The following BORCS5 variants were observed in gnomAD, a reference collection of about 807,000 sequenced individuals.
BORCS5 encodes BLOC-1-related complex subunit 5.
A neutral mutation model predicts 22.1 loss-of-function variants in BORCS5; 17 were observed. The observed-to-expected ratio is 0.77, with a 90% confidence interval of 0.53 to 1.15. BORCS5 has a LOEUF of 1.15. Ranked by LOEUF, BORCS5 falls within the 50% of genes most tolerant of loss-of-function variation. The pLI, the probability that BORCS5 is intolerant of heterozygous loss-of-function variation, is 0.00. For missense variants in BORCS5, 247 were observed against 253.2 expected (o/e 0.98, Z 0.17); for synonymous variants, 117 against 99.8 (o/e 1.17, Z -1.03).
intron 2 of BORCS5, among the ~76,000 whole-genome samples, chr12:12,416,427 T>G (rs1941956798): frequency 6.6e-6 from 1 of 151,872 alleles, no homozygotes; most frequent in Admixed American, 6.6e-5. Context: ...TGGTGTGAGA[T>G]CTTTCTTTTT....
rs926893487 is a variant in BORCS5 at position 12,373,981 on chromosome 12, CTTTTTTT to C, written c.202+12650_202+12656del. 4.7e-3 allele frequency among the ~76,000 whole-genome samples: 421 copies of C among 89,780 alleles called. 3 individuals are homozygous for C. Among genetic ancestry groups the C allele is most frequent in the Middle Eastern group, 0.02 (2 of 100 alleles). The allele number at this position is 89,780 out of a possible 152,430, so 58.9% of individuals were successfully genotyped here. ...AGAAGGCAGGGTTGCAGAGAGTATT[CTTTTTTT>C]TTTTTTTTTTTTTTTTTGAGACGGA... On this transcript the variant is annotated intron_variant, in intron 2 of 3. Coordinates refer to ENST00000314565, the MANE Select transcript of BORCS5 (RefSeq NM_058169.6).
intron 2 of BORCS5, among the ~76,000 whole-genome samples, chr12:12,406,688 C>T (rs1045482614): frequency 6.6e-6 from 1 of 151,832 alleles, no homozygotes; most frequent in African/African-American, 2.4e-5. Flanking sequence ...TGCTGTTAAC[C>T]ATATAAAAAT....
At chr12:12,432,395 T>C (rs1942452992) in intron 2 of BORCS5, among the ~76,000 whole-genome samples, 1 of 152,208 alleles carries the variant, frequency 6.6e-6, no homozygotes, top group South Asian at 2.1e-4. Flanking sequence ...CCCTTGATAG[T>C]TTTGTTAGGA....
rs937319511 is a variant in BORCS5, at chr12:12,467,653, T to A, written c.*1877T>A. On this transcript the variant is annotated 3_prime_UTR_variant, in exon 4 of 4. Transcript: ENST00000314565. ...CTCCCGGAAAGAATTCTAGTTAGTTTAATATTTTGATGGCATGTTGTGGTT... is the reference window on the plus strand; with the variant it reads ...CTCCCGGAAAGAATTCTAGTTAGTTAAATATTTTGATGGCATGTTGTGGTT... The A allele has an allele frequency of 6.6e-6, 1 of 152,260 alleles. No individual in the cohort carries two copies. The highest frequency in any genetic ancestry group is 2.4e-5 in the African/African-American group (1 of 41,460). The allele number at this position is 152,260 out of a possible 1,614,324, so 9.4% of individuals were successfully genotyped here.
At chr12:12,363,839 G>A (rs951948143) in intron 2 of BORCS5, among the ~76,000 whole-genome samples, 1 of 151,916 alleles carries the variant, frequency 6.6e-6, no homozygotes, top group Non-Finnish European at 1.5e-5. Context: ...GGAGGTTGCA[G>A]TGAGCTGAGA....
At chr12:12,459,054 G>C (rs1943054064) in intron 3 of BORCS5, among the ~76,000 whole-genome samples, 1 of 150,002 alleles carries the variant, frequency 6.7e-6, no homozygotes, top group African/African-American at 2.5e-5. Context: ...GTGCCACCAG[G>C]CCCGACTAAT....
chr12:12,392,852 AC>A (rs1407889132), intron 2 of BORCS5, among the ~76,000 whole-genome samples: 15 of 152,120 alleles, frequency 9.9e-5, no homozygotes, highest in Admixed American at 5.2e-4. Flanking sequence ...TCTATTTGGC[AC>A]CCATGTAATA....
intron 2 of BORCS5, among the ~76,000 whole-genome samples, chr12:12,380,173 C>T (rs764092750): frequency 6.6e-6 from 1 of 151,172 alleles, no homozygotes; most frequent in Non-Finnish European, 1.5e-5. Context: ...CATCAAAGAT[C>T]ACTGATCACA....
At chr12:12,409,284 A>G (rs1941662691) in intron 2 of BORCS5, among the ~76,000 whole-genome samples, 1 of 151,962 alleles carries the variant, frequency 6.6e-6, no homozygotes, top group Admixed American at 6.6e-5. Flanking sequence ...GGTTTGTTAC[A>G]TATGTATACA....
intron 3 of BORCS5, among the ~76,000 whole-genome samples, chr12:12,442,052 G>C (rs1306888889): frequency 6.6e-6 from 1 of 152,208 alleles, no homozygotes; most frequent in East Asian, 1.9e-4. Context: ...TAACTGAAAA[G>C]CCAACCAGAA....
Position 12,427,227 on chromosome 12 carries a change from C to T in BORCS5, c.203-8401C>T, listed in dbSNP as rs186765988. On this transcript the variant is annotated intron_variant, in intron 2 of 3. Transcript: ENST00000314565. The stretch of plus-strand genomic sequence containing the variant: ...TGGGAGTCTCGCACTCTCGTCCAGG[C>T]TGGAGTTTGGTGGCACAATCTCGGC... Among the ~76,000 whole-genome samples the T allele has an allele frequency of 3.2e-3, 409 of 125,846 alleles. 5 individuals carry two copies. Among genetic ancestry groups the T allele is most frequent in the African/African-American group, 0.011 (339 of 32,032 alleles). The allele number at this position is 125,846 out of a possible 152,430, so 82.6% of individuals were successfully genotyped here. A position where few individuals can be genotyped will look rare whatever the true frequency, so the allele number is the denominator to read the frequency against.
chr12:12,438,858 A>G (rs1942621776), intron 3 of BORCS5, among the ~76,000 whole-genome samples: 4 of 152,230 alleles, frequency 2.6e-5, no homozygotes, highest in Admixed American at 2.6e-4. Context: ...TTAAAAAATA[A>G]CTTTTAAATT....
chr12:12,393,500 C>G (rs1296636245), intron 2 of BORCS5, among the ~76,000 whole-genome samples: 1 of 151,858 alleles, frequency 6.6e-6, no homozygotes, highest in Admixed American at 6.6e-5. Flanking sequence ...CAGGACTTTA[C>G]AGGTACTGCT....
chr12:12,421,919 G>T (rs1942133706), intron 2 of BORCS5, among the ~76,000 whole-genome samples: 1 of 152,120 alleles, frequency 6.6e-6, no homozygotes, highest in South Asian at 2.1e-4. Flanking sequence ...ATTTGTTATT[G>T]TGTCTATTTG....
In BORCS5 at chr12:12,431,402, TC is replaced by T. The variant is rs1402775773; in HGVS notation, c.203-4225del. Among the ~76,000 whole-genome samples the T allele has an allele frequency of 2.1e-4, 26 of 124,878 alleles. No individual in the cohort carries two copies. The South Asian group carries it at 5.3e-3, about 25-fold the overall frequency. The allele number at this position is 124,878 out of a possible 152,430, so 81.9% of individuals were successfully genotyped here. ...TTTTGTTCATCTTTCTTTTGCTAAT[TC>T]TTTTTTTTTTTTTTTTTTGAGACGG... On this transcript the variant is annotated intron_variant, in intron 2 of 3. Coordinates refer to ENST00000314565, the MANE Select transcript of BORCS5 (RefSeq NM_058169.6).
chr12:12,442,783 T>C (rs1389529022), intron 3 of BORCS5, among the ~76,000 whole-genome samples: 1 of 152,174 alleles, frequency 6.6e-6, no homozygotes, highest in Non-Finnish European at 1.5e-5. Context: ...TCATTTTTGG[T>C]TATTCCTTTT....
At chr12:12,414,085 CG>C (rs1328402714) in intron 2 of BORCS5, among the ~76,000 whole-genome samples, 3 of 83,522 alleles carry the variant, frequency 3.6e-5, no homozygotes, top group East Asian at 5.5e-4. Context: ...CCCTCCCGGA[CG>C]GGGCGGCTGG....
At position 12,385,900 on chromosome 12, in the gene BORCS5, G is replaced by A. The variant is rs887775503; in HGVS notation, c.202+24551G>A. Among the ~76,000 whole-genome samples, 14 of 151,392 alleles carry A rather than the reference G, an allele frequency of 9.2e-5. 1 individual carries two copies. Among genetic ancestry groups the A allele is most frequent in the Non-Finnish European group, 1.5e-5 (1 of 67,724 alleles). Reference sequence around the variant, plus strand: ...CCTCAAAATGGTTTGAATTATGTTTGAATGGTATGAATTATGTTCAGCTTT... The same window carrying A: ...CCTCAAAATGGTTTGAATTATGTTTAAATGGTATGAATTATGTTCAGCTTT... On this transcript the variant is annotated intron_variant, in intron 2 of 3. Transcript: ENST00000314565.
intron 1 of BORCS5, 143 bp downstream of exon 1, chr12:12,357,652 C>A: frequency 1.2e-6 from 1 of 835,828 alleles, no homozygotes; most frequent in Non-Finnish European, 1.7e-6. Context: ...AAAAAAGTCA[C>A]CATCTGTCCT....
Sources: allele counts gnomAD v4.1 joint callset (sites outside exome capture counted in the v4.1 genomes callset), GRCh38; gene constraint gnomAD v4.1.1; transcripts MANE v1.5; gene names NCBI Gene and HGNC (gene_info 2026-07-23, HGNC 2026-07-21).